SPEN: variants seen among roughly 807,000 people sequenced by gnomAD.
SPEN encodes the protein msx2-interacting protein.
A neutral mutation model predicts 269.9 loss-of-function variants in SPEN; 18 were observed. That is an observed-to-expected ratio of 0.07 (90% CI 0.05 to 0.10). SPEN has a LOEUF of 0.10. Among genes scored for constraint, SPEN ranks in the 10% least tolerant of loss-of-function variants. The probability of loss-of-function intolerance (pLI) is 1.00; values close to 1 mark genes in which losing one functional copy is unlikely to be tolerated. For missense variants in SPEN, 3,822 were observed against 4,631.2 expected (o/e 0.83, Z 5.07); for synonymous variants, 1,726 against 1,765.7 (o/e 0.98, Z 0.56).
chr1:15,912,166 C>T (rs2071018605), intron 5 of SPEN, among the ~76,000 whole-genome samples: 2 of 152,138 alleles, frequency 1.3e-5, no homozygotes, highest in African/African-American at 4.8e-5. Context: ...TTGAACCTAC[C>T]TGTGGAACCT....
chr1:15,925,350 C>T (rs1464065206), intron 10 of SPEN, among the ~76,000 whole-genome samples: 2 of 152,166 alleles, frequency 1.3e-5, no homozygotes, highest in African/African-American at 4.8e-5. Context: ...GAACAGAGTT[C>T]TCTCCGAACC....
At chr1:15,853,051 A>G (rs750768833) in intron 1 of SPEN, among the ~76,000 whole-genome samples, 3 of 152,050 alleles carry the variant, frequency 2.0e-5, no homozygotes, top group African/African-American at 4.8e-5. Context: ...AGGTCTCCCT[A>G]TGTTGCCCAG....
chr1:15,899,915 G>A (rs948988630), intron 3 of SPEN, among the ~76,000 whole-genome samples: 4 of 151,734 alleles, frequency 2.6e-5, no homozygotes, highest in Non-Finnish European at 5.9e-5. Flanking sequence ...GCGCTATCTC[G>A]GCTCACTGCA....
In SPEN at chr1:15,931,712, A is replaced by G. The variant is rs2071222565; in HGVS notation, c.5472A>G (p.Ser1824=). Residue 1824 remains serine (S), a synonymous_variant, in exon 11 of 15, where the codon TCA becomes TCG. Coordinates refer to ENST00000375759, the MANE Select transcript of SPEN (RefSeq NM_015001.3). The surrounding 1 kb of genome is among the most constrained non-coding windows in gnomAD (Gnocchi z 4.8). ...KDKKPNKSKR[S]KTPVQAAAVS... ...AAAAGCCAAACAAAAGCAAGCGTTCAAAGACCCCTGTTCAGGCAGCTGCAG... is the reference window on the plus strand; with the variant it reads ...AAAAGCCAAACAAAAGCAAGCGTTCGAAGACCCCTGTTCAGGCAGCTGCAG... 3 of 1,614,224 alleles carry G rather than the reference A, an allele frequency of 1.9e-6. No homozygotes were observed.
intron 3 of SPEN, among the ~76,000 whole-genome samples, chr1:15,883,017 A>G (rs2070702249): frequency 6.6e-6 from 1 of 152,228 alleles, no homozygotes; most frequent in South Asian, 2.1e-4. Context: ...AAAGGAGGCA[A>G]TGGGTGACAG....
intron 5 of SPEN, among the ~76,000 whole-genome samples, chr1:15,913,780 C>T (rs2071032669): frequency 6.6e-6 from 1 of 151,730 alleles, no homozygotes; most frequent in Non-Finnish European, 1.5e-5. Flanking sequence ...TTGCTTAAGC[C>T]CAGGAGTTTG....
chr1:15,917,452 C>A (rs191589417), intron 6 of SPEN, among the ~76,000 whole-genome samples: 1 of 152,112 alleles, frequency 6.6e-6, no homozygotes, highest in African/African-American at 2.4e-5. Flanking sequence ...TGCAGTGGTG[C>A]GATCTTGGCT....
At chr1:15,872,538 T>TG (rs1268707208) in intron 1 of SPEN, among the ~76,000 whole-genome samples, 2 of 149,550 alleles carry the variant, frequency 1.3e-5, no homozygotes, top group Non-Finnish European at 3.0e-5. Context: ...AGGTGGAGCT[T>TG]GCAGTGAGCT....
In SPEN at chr1:15,934,232, G is replaced by A. The variant is rs757330925; in HGVS notation, c.7992G>A (p.Pro2664=). The change falls in exon 11 of 15, where the codon CCG becomes CCA. Residue 2664 remains proline, a synonymous_variant. Transcript: ENST00000375759. This position sits in a 1 kb window ranked among gnomAD's most constrained non-coding sequence, Gnocchi z 9.2. ...LTGLVNVSLV[P]VNALKGPVKG... Reference sequence around the variant, plus strand: ...GCCTGGTGAACGTCTCCCTGGTCCCGGTGAATGCCCTGAAAGGCCCCGTGA... The same window carrying A: ...GCCTGGTGAACGTCTCCCTGGTCCCAGTGAATGCCCTGAAAGGCCCCGTGA... The A allele has an allele frequency of 9.3e-6, 15 of 1,614,082 alleles. No homozygotes were observed. The Admixed American group carries it at 1.5e-4, about 16-fold the overall frequency.
In SPEN at chr1:15,932,927, G is replaced by A; in HGVS notation, c.6687G>A (p.Glu2229=). ...CCATCATCAATGACATTTCTGGGGA[G>A]CCAGAAAACTTCCCAGCACCTCCAC... ...IGSIINDISG[E]PENFPAPPPY... The change falls in exon 11 of 15, where the codon GAG becomes GAA. Residue 2229 remains glutamate, a synonymous_variant. Coordinates refer to ENST00000375759, the MANE Select transcript of SPEN (RefSeq NM_015001.3). This position sits in a 1 kb window ranked among gnomAD's most constrained non-coding sequence, Gnocchi z 4.2. 1 of 1,614,258 alleles carries A rather than the reference G, an allele frequency of 6.2e-7. No individual in the cohort carries two copies. The highest frequency in any genetic ancestry group is 1.7e-5 in the Admixed American group (1 of 60,032).
At chr1:15,878,311 GTC>G (rs2070652793) in intron 3 of SPEN, among the ~76,000 whole-genome samples, 2 of 152,136 alleles carry the variant, frequency 1.3e-5, no homozygotes, top group Non-Finnish European at 2.9e-5. Context: ...GTAGTTGAAT[GTC>G]TGTTTTTAGG....
At chr1:15,893,099 A>AAAC (rs902916245) in intron 3 of SPEN, among the ~76,000 whole-genome samples, 4 of 152,250 alleles carry the variant, frequency 2.6e-5, no homozygotes, top group South Asian at 2.1e-4. Context: ...ACTCTGTCTC[A>AAAC]AACAACAACA....
rs747347554 is a variant in SPEN, at chr1:15,934,757, G to A, written c.8517G>A (p.Pro2839=). The part of the protein sequence containing the change: ...RISAKISQIP[P]ASAMDIEFQQ... ...GCGCCAAGATCAGCCAGATCCCCCCGGCCAGTGCAATGGACATTGAATTTC... is the reference window on the plus strand; with the variant it reads ...GCGCCAAGATCAGCCAGATCCCCCCAGCCAGTGCAATGGACATTGAATTTC... Residue 2839 remains proline (P), a synonymous_variant, in exon 11 of 15, where the codon CCG becomes CCA. Transcript: ENST00000375759. This position sits in a 1 kb window ranked among gnomAD's most constrained non-coding sequence, Gnocchi z 9.2. The A allele has an allele frequency of 1.5e-5, 24 of 1,614,026 alleles. No homozygotes were observed. Among genetic ancestry groups the A allele is most frequent in the East Asian group, 2.2e-5 (1 of 44,892 alleles).
Position 15,929,427 on chromosome 1 carries a change from C to T in SPEN, c.3187C>T (p.Pro1063Ser). Residue 1063 changes from proline to serine, a missense_variant, in exon 11 of 15, where the codon CCC (proline) becomes TCC (serine). Physicochemically the swap from Pro to Ser is moderately conservative, Grantham distance 74 (BLOSUM62 -1). Coordinates refer to ENST00000375759, the MANE Select transcript of SPEN (RefSeq NM_015001.3). This position sits in a 1 kb window ranked among gnomAD's most constrained non-coding sequence, Gnocchi z 5.8. ...KLDRLNTVAS[P>S]KDCQELASIS... Reference sequence around the variant, plus strand: ...GGACAGACTTAATACTGTTGCCAGCCCCAAAGACTGTCAGGAGCTTGCCAG... The same window carrying T: ...GGACAGACTTAATACTGTTGCCAGCTCCAAAGACTGTCAGGAGCTTGCCAG... 2 of 1,613,738 alleles carry T rather than the reference C, an allele frequency of 1.2e-6. No homozygotes were observed. Among genetic ancestry groups the T allele is most frequent in the Non-Finnish European group, 1.7e-6 (2 of 1,179,872 alleles).
intron 3 of SPEN, among the ~76,000 whole-genome samples, chr1:15,877,473 C>T (rs2070643420): frequency 6.6e-6 from 1 of 152,118 alleles, no homozygotes. Context: ...GCCATGTTGG[C>T]CAGGCTGTTC....
At position 15,929,322 on chromosome 1, in the gene SPEN, A is replaced by G; in HGVS notation, c.3082A>G (p.Ile1028Val). 6.2e-7 allele frequency: 1 copy of G among 1,614,084 alleles called. No homozygotes were observed. Among genetic ancestry groups the G allele is most frequent in the Non-Finnish European group, 8.5e-7 (1 of 1,179,988 alleles). Residue 1028 changes from isoleucine (I) to valine (V), a missense_variant, in exon 11 of 15, where the codon ATT (isoleucine) becomes GTT (valine). This residue lies in a region of SPEN where 572 missense variants were observed against 582.6 expected (regional missense o/e 0.98). Transcript: ENST00000375759. The surrounding 1 kb of genome is among the most constrained non-coding windows in gnomAD (Gnocchi z 5.8). Reference sequence around the variant, plus strand: ...GCCTGACGTGTCCTCTAGAGAGGTCATTCTGCTGAGGGAAGGAGAGGCTGA... The same window carrying G: ...GCCTGACGTGTCCTCTAGAGAGGTCGTTCTGCTGAGGGAAGGAGAGGCTGA... ...KQPDVSSREV[I>V]LLREGEAERK...
intron 3 of SPEN, among the ~76,000 whole-genome samples, chr1:15,901,188 TA>T (rs986794679): frequency 3.1e-3 from 435 of 138,484 alleles, no homozygotes; most frequent in Middle Eastern, 3.8e-3. Context: ...CCTCGTCCCT[TA>T]AAAAAAAAAA....
In SPEN at chr1:15,904,452, C is replaced by CAAAA. The variant is rs1215369183; in HGVS notation, c.882-4847_882-4844dup. Among the ~76,000 whole-genome samples, 224 of 48,434 alleles carry CAAAA rather than the reference C, an allele frequency of 4.6e-3. 8 individuals are homozygous for CAAAA. Among genetic ancestry groups the CAAAA allele is most frequent in the African/African-American group, 8.2e-3 (137 of 16,778 alleles). The allele number at this position is 48,434 out of a possible 152,430, so 31.8% of individuals were successfully genotyped here. ...GGGCAATAAGAGCGAAACTCCATCT[C>CAAAA]AAAAAAAAAAAAAAAAAAAAAAAAA... On this transcript the variant is annotated intron_variant, in intron 3 of 14. Coordinates refer to ENST00000375759, the MANE Select transcript of SPEN (RefSeq NM_015001.3).
At position 15,877,007 on chromosome 1, in the gene SPEN, G is replaced by T. The variant is rs908730471; in HGVS notation, c.881+329G>T. 1.4e-4 allele frequency among the ~76,000 whole-genome samples: 21 copies of T among 152,152 alleles called. 1 individual carries two copies. The highest frequency in any genetic ancestry group is 2.8e-4 in the Non-Finnish European group (19 of 68,034). The stretch of plus-strand genomic sequence containing the variant: ...GTATCTCTTTAACATTTTTAATTTT[G>T]TAGGTGTATAATACCAATTTATTTC... On this transcript the variant is annotated intron_variant, in intron 3 of 14. Coordinates refer to ENST00000375759, the MANE Select transcript of SPEN (RefSeq NM_015001.3).
Sources: gnomAD v4.1 joint callset for allele counts (sites outside exome capture counted in the v4.1 genomes callset) on GRCh38, gnomAD v4.1.1 for gene constraint, gnomAD v4.1.1 regional missense constraint, Gnocchi (gnomAD v3.1) non-coding constraint, MANE v1.5 for transcripts, NCBI Gene and HGNC (gene_info 2026-07-23, HGNC 2026-07-21) for gene names.